CENPE: variants seen among roughly 807,000 people sequenced by gnomAD.
CENPE encodes the protein centromere-associated protein E.
CENPE carries 145 observed loss-of-function variants against 336.1 expected under a neutral mutation model. The observed-to-expected ratio is 0.43, with a 90% CI of 0.38 to 0.50. The LOEUF is 0.50. CENPE is among the 20% of genes least tolerant of loss of function. The pLI is 0.00. For synonymous variants in CENPE, 1,013 were observed against 984.8 expected, an observed-to-expected ratio of 1.03 and a Z score of -0.54; for missense variants, 2,719 against 3,023.3, an observed-to-expected ratio of 0.90 and a Z score of 2.36.
At chr4:103,111,246 A>G (rs564286714) in intron 46 of CENPE, among the ~76,000 whole-genome samples, 1 of 152,212 alleles carries the variant, frequency 6.6e-6, no homozygotes, top group South Asian at 2.1e-4. Flanking sequence ...ACATATCCTG[A>G]TCCTGATCAC....
intron 16 of CENPE, 130 bp downstream of exon 16, chr4:103,174,606 T>C (rs1755695274): frequency 1.7e-6 from 1 of 589,132 alleles, no homozygotes; most frequent in South Asian, 2.9e-5. Context: ...CATCATGTTG[T>C]ATACAATAAA....
At position 103,106,273 on chromosome 4, in the gene CENPE, A is replaced by T. The variant is rs1202758129; in HGVS notation, c.8055T>A (p.Gly2685=). ...AGAESVDSQP[G]PWHASSGKDV... ...CCTTGCCTGAGGAGGCGTGCCAAGG[A>T]CCTGGCTGAGAATCCACACTCTCTG... The change falls in exon 49 of 49, where the codon GGT becomes GGA. Residue 2685 remains glycine, a synonymous_variant. Coordinates refer to ENST00000265148, the MANE Select transcript of CENPE (RefSeq NM_001813.3). The T allele has an allele frequency of 6.2e-7, 1 of 1,603,830 alleles. No individual in the cohort carries two copies.
chr4:103,182,265 AT>A (rs1348587433), intron 11 of CENPE, among the ~76,000 whole-genome samples: 1 of 151,982 alleles, frequency 6.6e-6, no homozygotes, highest in African/African-American at 2.4e-5. Flanking sequence ...CTAATTTTGT[AT>A]TTTTAGTAAA....
intron 42 of CENPE, among the ~76,000 whole-genome samples, chr4:103,127,472 A>G (rs1447893134): frequency 6.6e-6 from 1 of 152,098 alleles, no homozygotes; most frequent in Non-Finnish European, 1.5e-5. Flanking sequence ...GAGGAAAGGA[A>G]AATGATATAG....
intron 34 of CENPE, 67 bp downstream of exon 34, chr4:103,143,181 C>T (rs1388006251): frequency 2.0e-5 from 23 of 1,142,544 alleles, no homozygotes; most frequent in Non-Finnish European, 2.7e-5. Flanking sequence ...TAATTCATAT[C>T]TTGTTTCATT....
At chr4:103,125,966 C>T (rs976548364) in intron 42 of CENPE, among the ~76,000 whole-genome samples, 4 of 151,614 alleles carry the variant, frequency 2.6e-5, no homozygotes, top group African/African-American at 7.3e-5. Context: ...GAAGTGAGGT[C>T]GCAGGGCAAA....
At position 103,120,137 on chromosome 4, in the gene CENPE, G is replaced by GT; in HGVS notation, c.7329+10dup. On this transcript the variant is annotated intron_variant, in intron 44 of 48. Transcript: ENST00000265148. Reference sequence around the variant, plus strand: ...ACAAACAAACAACTTTTATTTTTATGTTTAAGTTACCTGAAGTACTTGAAT... The same window carrying GT: ...ACAAACAAACAACTTTTATTTTTATGTTTTAAGTTACCTGAAGTACTTGAAT... The GT allele has an allele frequency of 6.4e-7, 1 of 1,558,686 alleles. No homozygotes were observed. The highest frequency in any genetic ancestry group is 8.7e-7 in the Non-Finnish European group (1 of 1,147,106).
chr4:103,163,544 T>C lies in CENPE; in HGVS notation c.1657A>G (p.Ile553Val), dbSNP rs1754639131. 2 of 1,581,756 alleles carry C rather than the reference T, an allele frequency of 1.3e-6. No individual in the cohort carries two copies. Among genetic ancestry groups the C allele is most frequent in the Non-Finnish European group, 1.7e-6 (2 of 1,162,904 alleles). The part of the protein sequence containing the change: ...KTKKDQEMQL[I>V]HEISNLKNLV... ...TTCTTTAAGTTCGAAATTTCATGAA[T>C]TAGTTGCATCTGTAAGAGCATGTGA... Residue 553 changes from isoleucine to valine, a missense_variant, in exon 17 of 49, where the codon ATT (isoleucine) becomes GTT (valine). Transcript: ENST00000265148.
chr4:103,177,438 T>C (rs555494262), intron 13 of CENPE, among the ~76,000 whole-genome samples: 8 of 152,088 alleles, frequency 5.3e-5, no homozygotes, highest in African/African-American at 1.9e-4. Context: ...CTCTTGACTC[T>C]TTACTGGGTG....
chr4:103,106,149 A>G lies in CENPE; in HGVS notation c.*73T>C. The G allele has an allele frequency of 3.2e-6, 3 of 934,704 alleles. No homozygotes were observed. The highest frequency in any genetic ancestry group is 4.6e-6 in the Non-Finnish European group (3 of 647,644). The allele number at this position is 934,704 out of a possible 1,614,324, so 57.9% of individuals were successfully genotyped here. On this transcript the variant is annotated 3_prime_UTR_variant, in exon 49 of 49. Transcript: ENST00000265148. ...TAAGCTGCACTACAACATCATTACC[A>G]GGGATAGACACATAAACAAAGTCAT... is the stretch of plus-strand genomic sequence containing the variant.
chr4:103,181,483 G>C, intron 11 of CENPE, 27 bp from the exon 12 acceptor site: 1 of 1,534,362 alleles, frequency 6.5e-7, no homozygotes, highest in Non-Finnish European at 8.7e-7. Context: ...AAAGTGCTAA[G>C]TGTTCAACAC....
At chr4:103,191,404 T>C (rs1757312417) in intron 8 of CENPE, among the ~76,000 whole-genome samples, 1 of 152,158 alleles carries the variant, frequency 6.6e-6, no homozygotes, top group Non-Finnish European at 1.5e-5. Flanking sequence ...AACCCAAATG[T>C]CCAACAATGG....
At chr4:103,155,847 G>A (rs1753919410) in intron 24 of CENPE, among the ~76,000 whole-genome samples, 2 of 152,020 alleles carry the variant, frequency 1.3e-5, no homozygotes, top group African/African-American at 4.8e-5. Flanking sequence ...TATATCAATT[G>A]GATCTTACTG....
At chr4:103,115,894 T>C (rs1315430816) in intron 45 of CENPE, among the ~76,000 whole-genome samples, 1 of 152,016 alleles carries the variant, frequency 6.6e-6, no homozygotes. Context: ...CCATGCCGGC[T>C]AATTTTTTTG....
At chr4:103,109,798 C>G (rs1749226044) in intron 47 of CENPE, among the ~76,000 whole-genome samples, 1 of 152,150 alleles carries the variant, frequency 6.6e-6, no homozygotes, top group African/African-American at 2.4e-5. Context: ...TCTCATCAGG[C>G]CACTAGCTTA....
chr4:103,176,005 T>G lies in CENPE; in HGVS notation c.1434A>C (p.Thr478=). 1.2e-6 allele frequency: 2 copies of G among 1,607,760 alleles called. No individual in the cohort carries two copies. The change falls in exon 15 of 49, where the codon ACA becomes ACC. Residue 478 remains threonine, a synonymous_variant. Coordinates refer to ENST00000265148, the MANE Select transcript of CENPE (RefSeq NM_001813.3). The part of the protein sequence containing the change: ...ESDVFSNTLD[T]LSEIEWNPAT... ...CTGGATTCCATTCTATCTCACTTAATGTATCAAGAGTGTTACTGAAAACAT... is the reference window on the plus strand; with the variant it reads ...CTGGATTCCATTCTATCTCACTTAAGGTATCAAGAGTGTTACTGAAAACAT...
intron 16 of CENPE, among the ~76,000 whole-genome samples, chr4:103,166,346 T>C (rs1405342097): frequency 2.0e-5 from 3 of 152,138 alleles, no homozygotes; most frequent in Non-Finnish European, 4.4e-5. Context: ...TCCAGGCAAT[T>C]TCACTCTAGA....
At chr4:103,145,394 C>T in intron 31 of CENPE, 60 bp from the exon 32 acceptor site, 2 of 1,310,116 alleles carry the variant, frequency 1.5e-6, no homozygotes, top group South Asian at 1.4e-5. Flanking sequence ...CACACACACA[C>T]ATACACAACT....
In CENPE at chr4:103,141,067, G is replaced by A. The variant is rs765609389; in HGVS notation, c.5501C>T (p.Thr1834Met). 32 of 1,576,672 alleles carry A rather than the reference G, an allele frequency of 2.0e-5. No individual in the cohort carries two copies. In the East Asian group the frequency reaches 5.4e-4, roughly 27 times the overall value. ...TGTCTCATTGACATCTTTTTTTAAC[G>A]TAATAAGTTGATGTTCATTTGCCTT... ...ELKANEHQLI[T>M]LKKDVNETQK... Residue 1834 changes from threonine to methionine, a missense_variant, in exon 36 of 49, where the codon ACG (threonine) becomes ATG (methionine). Thr to Met is a moderately conservative substitution (Grantham distance 81). This residue lies in a region of CENPE where 2,437 missense variants were observed against 2,513.3 expected (regional missense o/e 0.97). Coordinates refer to ENST00000265148, the MANE Select transcript of CENPE (RefSeq NM_001813.3).
Sources: gnomAD v4.1 joint callset for allele counts (sites outside exome capture counted in the v4.1 genomes callset) on GRCh38, gnomAD v4.1.1 for gene constraint, gnomAD v4.1.1 regional missense constraint, MANE v1.5 for transcripts, NCBI Gene and HGNC (gene_info 2026-07-23, HGNC 2026-07-21) for gene names.